Variants in TPR observed in about 807,000 individuals in gnomAD.
TPR encodes the protein translocated promoter region, nuclear basket protein, also known as nucleoprotein TPR.
Under a neutral mutation model 316.1 loss-of-function variants are expected in TPR, and 51 were observed. The observed-to-expected ratio is 0.16, with a 90% confidence interval of 0.13 to 0.20. TPR has a LOEUF of 0.20. TPR is among the 10% of genes least tolerant of loss of function. TPR has a pLI of 1.00. For missense variants in TPR, 2,272 were observed against 2,754.8 expected (o/e 0.82, Z 3.92); for synonymous variants, 981 against 914.7 (o/e 1.07, Z -1.31).
chr1:186,356,528 A>T (rs963116018), intron 14 of TPR, 79 bp from the exon 15 acceptor site: 1 of 1,332,416 alleles, frequency 7.5e-7, no homozygotes, highest in Non-Finnish European at 1.0e-6. Context: ...TTAACCAAGC[A>T]TCTTTGCCTA....
Position 186,362,938 on chromosome 1 carries a change from T to C in TPR, c.595A>G (p.Thr199Ala), listed in dbSNP as rs1375453773. The C allele has an allele frequency of 6.2e-7, 1 of 1,611,394 alleles. No individual in the cohort carries two copies. The highest frequency in any genetic ancestry group is 8.5e-7 in the Non-Finnish European group (1 of 1,179,122). Residue 199 changes from threonine to alanine, a missense_variant, in exon 6 of 51, where the codon ACA becomes GCA. Thr to Ala is a moderately conservative substitution (Grantham distance 58). Coordinates refer to ENST00000367478, the MANE Select transcript of TPR (RefSeq NM_003292.3). ...LLHSQNTWLN[T>A]ELKTKTDELL... ...TCATCAGTTTTGGTTTTCAACTCTG[T>C]ATTCAGCCATGTATTCTGACTATGT...
Position 186,336,593 on chromosome 1 carries a change from G to C in TPR, c.4608C>G (p.Thr1536=), listed in dbSNP as rs764207150. ...GTTGTCGGAGCTGCTCCTCCTGTGT[G>C]GTTCTATCTTGAAGATCCTGACGAA... is the stretch of plus-strand genomic sequence containing the variant. The part of the protein sequence containing the change: ...SRLRQDLQDR[T]TQEEQLRQQI... Residue 1536 remains threonine, a synonymous_variant, in exon 33 of 51, where the codon ACC becomes ACG. Coordinates refer to ENST00000367478, the MANE Select transcript of TPR (RefSeq NM_003292.3). 1.9e-6 allele frequency: 3 copies of C among 1,613,686 alleles called. No individual in the cohort carries two copies. The African/African-American group carries it at 4.0e-5, about 22-fold the overall frequency.
intron 45 of TPR, among the ~76,000 whole-genome samples, chr1:186,321,574 A>T (rs1043281197): frequency 6.6e-6 from 1 of 152,224 alleles, no homozygotes; most frequent in Non-Finnish European, 1.5e-5. Flanking sequence ...GTCTACTCTC[A>T]TAAGTTATGA....
At chr1:186,331,755 AAAGT>A (rs1296356858) in intron 38 of TPR, among the ~76,000 whole-genome samples, 174 bp from the exon 39 acceptor site, 5 of 152,254 alleles carry the variant, frequency 3.3e-5, no homozygotes, top group Admixed American at 1.3e-4. Context: ...CAGTATACAC[AAAGT>A]AAGGTTTATG....
At chr1:186,321,556 T>G (rs1358886723) in intron 45 of TPR, among the ~76,000 whole-genome samples, 1 of 152,178 alleles carries the variant, frequency 6.6e-6, no homozygotes, top group Non-Finnish European at 1.5e-5. Context: ...GATGACAACA[T>G]TAATAATGTC....
chr1:186,344,100 A>G lies in TPR; in HGVS notation c.3418-10T>C, dbSNP rs766118206. The G allele has an allele frequency of 6.2e-7, 1 of 1,610,916 alleles. No individual in the cohort carries two copies. Among genetic ancestry groups the G allele is most frequent in the East Asian group, 2.2e-5 (1 of 44,832 alleles). ...ATTTGGAAACTTCATCCTGCAAGCC[A>G]AGAGTCTATCAGAATAACAGATTTT... On this transcript the variant is annotated splice_polypyrimidine_tract_variant and intron_variant, in intron 25 of 50. Coordinates refer to ENST00000367478, the MANE Select transcript of TPR (RefSeq NM_003292.3).
At chr1:186,324,453 T>C (rs895564734) in intron 42 of TPR, among the ~76,000 whole-genome samples, 1 of 152,160 alleles carries the variant, frequency 6.6e-6, no homozygotes, top group African/African-American at 2.4e-5. Flanking sequence ...AATGTCTGGG[T>C]ATTCTTCTAC....
At chr1:186,363,116 G>A in intron 5 of TPR, 115 bp from the exon 6 acceptor site, 1 of 1,204,314 alleles carries the variant, frequency 8.3e-7, no homozygotes, top group Non-Finnish European at 1.1e-6. Context: ...CAGAAATTAA[G>A]TATTTGCATA....
At position 186,312,087 on chromosome 1, in the gene TPR, C is replaced by T; in HGVS notation, c.*1884G>A. 9.1e-7 allele frequency: 1 copy of T among 1,093,448 alleles called. No homozygotes were observed. Among genetic ancestry groups the T allele is most frequent in the East Asian group, 2.5e-5 (1 of 39,772 alleles). The allele number at this position is 1,093,448 out of a possible 1,614,324, so 67.7% of individuals were successfully genotyped here. A position where few individuals can be genotyped will look rare whatever the true frequency, so the allele number is the denominator to read the frequency against. ...ATGAAAAATGAGAACAAAACTGTTTCCTATACATTGTAAAAGTTGTTTTCC... is the reference window on the plus strand; with the variant it reads ...ATGAAAAATGAGAACAAAACTGTTTTCTATACATTGTAAAAGTTGTTTTCC... On this transcript the variant is annotated 3_prime_UTR_variant, in exon 51 of 51. Coordinates refer to ENST00000367478, the MANE Select transcript of TPR (RefSeq NM_003292.3).
At chr1:186,331,931 C>T (rs556838948) in intron 38 of TPR, among the ~76,000 whole-genome samples, 18 of 152,012 alleles carry the variant, frequency 1.2e-4, no homozygotes, top group African/African-American at 4.3e-4. Context: ...TTAGAAACTT[C>T]GAGATGAAAT....
intron 17 of TPR, among the ~76,000 whole-genome samples, 199 bp downstream of exon 17, chr1:186,355,211 T>C (rs1658987815): frequency 6.6e-6 from 1 of 151,986 alleles, no homozygotes; most frequent in African/African-American, 2.4e-5. Context: ...GGCTTCAACT[T>C]ATCAAACAAG....
intron 22 of TPR, 45 bp from the exon 23 acceptor site, chr1:186,346,332 TA>T: frequency 6.5e-7 from 1 of 1,533,392 alleles, no homozygotes; most frequent in Non-Finnish European, 8.8e-7. Context: ...TACACACATT[TA>T]AAGTCATACA....
intron 22 of TPR, among the ~76,000 whole-genome samples, chr1:186,346,992 C>A (rs568764851): frequency 6.6e-6 from 1 of 152,306 alleles, no homozygotes; most frequent in African/African-American, 2.4e-5. Context: ...GCTTTGCCTG[C>A]ACAAATGCCA....
chr1:186,349,536 TG>T (rs1558019274), intron 21 of TPR, among the ~76,000 whole-genome samples: 1 of 151,236 alleles, frequency 6.6e-6, no homozygotes, highest in East Asian at 1.9e-4. Context: ...GGCGGCCGCC[TG>T]TAGTCCCAGC....
intron 2 of TPR, among the ~76,000 whole-genome samples, chr1:186,371,599 T>G (rs1358374473): frequency 1.3e-5 from 2 of 152,194 alleles, no homozygotes; most frequent in Non-Finnish European, 2.9e-5. Flanking sequence ...GCAGTTTCTC[T>G]TCTAAACATA....
chr1:186,342,925 C>A (rs1031512879), intron 27 of TPR: 2 of 154,582 alleles, frequency 1.3e-5, no homozygotes, highest in Admixed American at 6.5e-5. Flanking sequence ...ACTATCCACA[C>A]GTATAATCCA....
chr1:186,350,315 T>C lies in TPR; in HGVS notation c.2684A>G (p.Lys895Arg). The C allele has an allele frequency of 6.2e-7, 1 of 1,613,836 alleles. No homozygotes were observed. Among genetic ancestry groups the C allele is most frequent in the Non-Finnish European group, 8.5e-7 (1 of 1,179,856 alleles). The change falls in exon 21 of 51, where the codon AAA becomes AGA. Residue 895 changes from lysine (K) to arginine (R), a missense_variant. Around this residue, in one of 10 missense-constraint regions of TPR, gnomAD observed 757 missense variants for 859.8 expected, o/e 0.88. Coordinates refer to ENST00000367478, the MANE Select transcript of TPR (RefSeq NM_003292.3). ...TGTGGCAATTTCTTTTTGAGCATTT[T>C]TTAATAGTTCTTTTGTGTTAAGATG... is the stretch of plus-strand genomic sequence containing the variant. ...NLHLNTKELL[K>R]NAQKEIATLK... is the part of the protein sequence containing the mutation.
intron 4 of TPR, among the ~76,000 whole-genome samples, chr1:186,366,364 T>G (rs1245624491): frequency 6.6e-6 from 1 of 152,220 alleles, no homozygotes; most frequent in African/African-American, 2.4e-5. Context: ...TTAACATTTT[T>G]TTCTCTAGCT....
chr1:186,331,569 C>T lies in TPR; in HGVS notation c.5617G>A (p.Ala1873Thr), dbSNP rs1658167145. ...ACCTCTCCATCAGTACTTTCTTCTG[C>T]CATAACTTCTTCCTGTATCATAATA... ...TPVGTEEEVM[A>T]EESTDGEVET... The change falls in exon 39 of 51, where the codon GCA becomes ACA. Residue 1873 changes from alanine (A) to threonine (T), a missense_variant. This residue lies in a region of TPR where 435 missense variants were observed against 461.1 expected (regional missense o/e 0.94). Transcript: ENST00000367478. 6.2e-7 allele frequency: 1 copy of T among 1,606,886 alleles called. No individual in the cohort carries two copies. The highest frequency in any genetic ancestry group is 8.5e-7 in the Non-Finnish European group (1 of 1,176,352).
Sources: allele counts gnomAD v4.1 joint callset (sites outside exome capture counted in the v4.1 genomes callset), GRCh38; gene constraint gnomAD v4.1.1; regional missense constraint gnomAD v4.1.1; transcripts MANE v1.5; gene names NCBI Gene and HGNC (gene_info 2026-07-23, HGNC 2026-07-21).